HORMAD2: variants seen among roughly 807,000 people sequenced by gnomAD.
The protein encoded by HORMAD2 is HORMA domain-containing protein 2.
Under a neutral mutation model 38.8 loss-of-function variants are expected in HORMAD2, and 45 were observed. The ratio of observed to expected loss-of-function variants is 1.16; its 90% CI spans 0.91 to 1.49. The LOEUF is 1.49. HORMAD2 is among the 40% of genes most tolerant of loss of function. The pLI, the probability that HORMAD2 is intolerant of heterozygous loss-of-function variation, is 0.00. For synonymous variants in HORMAD2, 126 were observed against 122.8 expected (o/e 1.03, Z -0.17); for missense variants, 338 against 367.0 (o/e 0.92, Z 0.65).
chr22:30,088,305 A>G (rs930012515), intron 1 of HORMAD2, among the ~76,000 whole-genome samples: 3 of 151,024 alleles, frequency 2.0e-5, no homozygotes, highest in African/African-American at 4.8e-5. Flanking sequence ...ATACACATAT[A>G]TACATATATG....
chr22:30,171,063 C>G (rs964073773), intron 10 of HORMAD2, among the ~76,000 whole-genome samples: 1 of 152,054 alleles, frequency 6.6e-6, no homozygotes, highest in Non-Finnish European at 1.5e-5. Flanking sequence ...CTTCTTTTAT[C>G]TCTCTCTTTC....
At chr22:30,110,121 A>C (rs1025272619) in intron 5 of HORMAD2, among the ~76,000 whole-genome samples, 2 of 152,218 alleles carry the variant, frequency 1.3e-5, no homozygotes, top group Admixed American at 6.5e-5. Context: ...GTATTTATAT[A>C]GCATTTACAT....
At chr22:30,087,045 G>A (rs1255248916) in intron 1 of HORMAD2, among the ~76,000 whole-genome samples, 2 of 152,170 alleles carry the variant, frequency 1.3e-5, no homozygotes, top group Non-Finnish European at 2.9e-5. Flanking sequence ...ATTTTCAGTA[G>A]AGATGGGGTT....
chr22:30,156,819 A>G (rs1274922652), intron 10 of HORMAD2, among the ~76,000 whole-genome samples: 1 of 152,228 alleles, frequency 6.6e-6, no homozygotes, highest in African/African-American at 2.4e-5. Flanking sequence ...GGGCGTTGTC[A>G]TCAAAGAGAC....
intron 10 of HORMAD2, among the ~76,000 whole-genome samples, chr22:30,133,664 T>C (rs1601555906): frequency 6.6e-6 from 1 of 151,580 alleles, no homozygotes; most frequent in South Asian, 2.1e-4. Flanking sequence ...AAAAGGATGA[T>C]TGGGTCCGTA....
At chr22:30,161,407 T>A (rs1165246897) in intron 10 of HORMAD2, among the ~76,000 whole-genome samples, 1 of 152,222 alleles carries the variant, frequency 6.6e-6, no homozygotes, top group African/African-American at 2.4e-5. Flanking sequence ...TATCTGTTCA[T>A]CTCTTTTTTG....
chr22:30,192,347 T>G, the HORMAD2 span: 1 of 152,388 alleles, frequency 6.6e-6, no homozygotes, highest in Non-Finnish European at 1.5e-5. Context: ...GAGCTGGATC[T>G]TGAGGGGAGG....
chr22:30,186,836 C>T, the HORMAD2 span, among the ~76,000 whole-genome samples: 2 of 150,442 alleles, frequency 1.3e-5, no homozygotes, highest in African/African-American at 2.5e-5. Flanking sequence ...AATCAAATTG[C>T]GATAGTATAA....
intron 10 of HORMAD2, among the ~76,000 whole-genome samples, chr22:30,130,637 C>T (rs1475172766): frequency 7.5e-6 from 1 of 134,034 alleles, no homozygotes; most frequent in Non-Finnish European, 1.5e-5. Flanking sequence ...GTCACCCAGG[C>T]TGGAGGGCAG....
chr22:30,103,918 C>A (rs994061508), intron 4 of HORMAD2, among the ~76,000 whole-genome samples: 1 of 151,560 alleles, frequency 6.6e-6, no homozygotes, highest in Non-Finnish European at 1.5e-5. Context: ...CCTTGGCCCC[C>A]CAAAGTGCTG....
chr22:30,106,423 T>A (rs1851623736), intron 5 of HORMAD2, among the ~76,000 whole-genome samples: 1 of 152,108 alleles, frequency 6.6e-6, no homozygotes. Context: ...AGACAGATAA[T>A]GATCATATGC....
the HORMAD2 span, among the ~76,000 whole-genome samples, chr22:30,200,911 G>A: frequency 5.3e-5 from 8 of 151,982 alleles, no homozygotes; most frequent in East Asian, 5.8e-4. Context: ...CACCATGCCC[G>A]GCTAATTTTT....
chr22:30,188,022 T>G, the HORMAD2 span, among the ~76,000 whole-genome samples: 1 of 152,122 alleles, frequency 6.6e-6, no homozygotes, highest in Admixed American at 6.6e-5. Flanking sequence ...CTGCTTTCTC[T>G]TTCTTTGATA....
chr22:30,195,192 CAAAAAAAAAAAAAAA>C, the HORMAD2 span, among the ~76,000 whole-genome samples: 1 of 89,658 alleles, frequency 1.1e-5, no homozygotes, highest in African/African-American at 4.3e-5. Flanking sequence ...GACTCCGTCT[CAAAAAAAAAAAAAAA>C]AAAGGAAAAC....
chr22:30,093,127 C>T (rs1045697747), intron 1 of HORMAD2, among the ~76,000 whole-genome samples: 13 of 152,122 alleles, frequency 8.5e-5, no homozygotes, highest in Admixed American at 1.3e-4. Flanking sequence ...TCAATGAATA[C>T]GGGATGCCTT....
chr22:30,191,834 GT>G, the HORMAD2 span, among the ~76,000 whole-genome samples: 1 of 152,114 alleles, frequency 6.6e-6, no homozygotes, highest in Non-Finnish European at 1.5e-5. Flanking sequence ...CATTCAAGAT[GT>G]ATAAATGTTG....
the HORMAD2 span, among the ~76,000 whole-genome samples, chr22:30,204,659 T>G: frequency 6.6e-6 from 1 of 152,180 alleles, no homozygotes; most frequent in Non-Finnish European, 1.5e-5. Flanking sequence ...CCAAGGCATT[T>G]CCAGGGGTCT....
chr22:30,170,102 C>T (rs1237402642), intron 10 of HORMAD2, among the ~76,000 whole-genome samples: 1 of 152,082 alleles, frequency 6.6e-6, no homozygotes, highest in Non-Finnish European at 1.5e-5. Context: ...GACATAGATC[C>T]TTTGAACCAT....
chr22:30,091,854 T>A (rs1353809410), intron 1 of HORMAD2, among the ~76,000 whole-genome samples: 1 of 151,968 alleles, frequency 6.6e-6, no homozygotes, highest in Non-Finnish European at 1.5e-5. Flanking sequence ...GCATTCGTTA[T>A]TTTTTGTTAT....
Sources: allele counts gnomAD v4.1 joint callset (sites outside exome capture counted in the v4.1 genomes callset), GRCh38; gene constraint gnomAD v4.1.1; transcripts MANE v1.5; gene names NCBI Gene and HGNC (gene_info 2026-07-23, HGNC 2026-07-21).